The following PTPRG variants were observed in gnomAD, a reference collection of about 807,000 sequenced individuals.
The protein encoded by PTPRG is receptor-type tyrosine-protein phosphatase gamma.
Under a neutral mutation model 165.3 loss-of-function variants are expected in PTPRG, and 102 were observed. The observed-to-expected ratio is 0.62, with a 90% CI of 0.53 to 0.73. The LOEUF (loss-of-function observed/expected upper bound fraction) is 0.73. Ranked by LOEUF, PTPRG falls within the 30% of genes least tolerant of loss-of-function variation. PTPRG has a pLI of 0.00. For missense variants in PTPRG, 1,866 were observed against 1,861.4 expected (o/e 1.00, Z -0.05); for synonymous variants, 675 against 669.5 (o/e 1.01, Z -0.13).
chr3:62,074,381 G>C (rs1193699034), intron 4 of PTPRG, among the ~76,000 whole-genome samples: 1 of 116,106 alleles, frequency 8.6e-6, no homozygotes, highest in Non-Finnish European at 1.7e-5. Flanking sequence ...TTTGAGACAG[G>C]ATCTTGCTCT....
In PTPRG at chr3:61,621,051, A is replaced by ATG. The variant is rs1173192341; in HGVS notation, c.85+58705_85+58706dup. 6.2e-3 allele frequency among the ~76,000 whole-genome samples: 730 copies of ATG among 117,988 alleles called. 13 individuals carry two copies. The highest frequency in any genetic ancestry group is 0.012 in the Middle Eastern group (3 of 246). The allele number at this position is 117,988 out of a possible 152,430, so 77.4% of individuals were successfully genotyped here. ...TGTGTGTGTATATATATATATATATATGTGTGTGTGTGTGTGTGTGTGTGT... is the reference window on the plus strand; with the variant it reads ...TGTGTGTGTATATATATATATATATATGTGTGTGTGTGTGTGTGTGTGTGTGT... On this transcript the variant is annotated intron_variant, in intron 1 of 29. Coordinates refer to ENST00000474889, the MANE Select transcript of PTPRG (RefSeq NM_002841.4).
At chr3:61,716,594 G>C (rs975956631) in intron 1 of PTPRG, among the ~76,000 whole-genome samples, 5 of 152,082 alleles carry the variant, frequency 3.3e-5, no homozygotes, top group Non-Finnish European at 7.3e-5. Context: ...GTTGGGTTAT[G>C]AAGTGTCCTG....
intron 1 of PTPRG, among the ~76,000 whole-genome samples, chr3:61,598,448 G>T (rs1407252862): frequency 6.6e-6 from 1 of 152,136 alleles, no homozygotes; most frequent in African/African-American, 2.4e-5. Context: ...TGAGCGTCCT[G>T]TGCTGTCCCC....
chr3:61,761,085 G>T (rs1392619102), intron 2 of PTPRG, among the ~76,000 whole-genome samples: 1 of 152,192 alleles, frequency 6.6e-6, no homozygotes, highest in Admixed American at 6.5e-5. Context: ...CTTTGTAACA[G>T]AATGATTTAT....
intron 5 of PTPRG, among the ~76,000 whole-genome samples, chr3:62,090,261 C>T (rs1033584637): frequency 6.6e-5 from 10 of 152,182 alleles, no homozygotes; most frequent in Admixed American, 2.6e-4. Flanking sequence ...TCCCTGAACA[C>T]CATTCTAATG....
chr3:61,860,324 C>T (rs2037225620), intron 2 of PTPRG, among the ~76,000 whole-genome samples: 1 of 151,076 alleles, frequency 6.6e-6, no homozygotes, highest in African/African-American at 2.4e-5. Context: ...CAGACCCTTA[C>T]ATGCTTCCTT....
intron 2 of PTPRG, among the ~76,000 whole-genome samples, chr3:61,864,475 G>A (rs1250775616): frequency 1.3e-5 from 2 of 152,122 alleles, no homozygotes; most frequent in Admixed American, 6.5e-5. Flanking sequence ...GCAAAGTAAC[G>A]GAACTGAGCA....
At chr3:61,897,026 T>G (rs1051766766) in intron 2 of PTPRG, among the ~76,000 whole-genome samples, 1 of 152,054 alleles carries the variant, frequency 6.6e-6, no homozygotes, top group Non-Finnish European at 1.5e-5. Flanking sequence ...CTGTAACTTG[T>G]GTGTTTATCC....
intron 2 of PTPRG, among the ~76,000 whole-genome samples, chr3:61,852,410 A>G (rs2036988219): frequency 6.6e-6 from 1 of 152,242 alleles, no homozygotes. Flanking sequence ...TTGGAATAAC[A>G]ATTCACAAAT....
chr3:61,739,894 A>G (rs952081975), intron 1 of PTPRG, among the ~76,000 whole-genome samples: 2 of 152,192 alleles, frequency 1.3e-5, no homozygotes, highest in African/African-American at 4.8e-5. Context: ...TATTGTTGCC[A>G]TTTGGGAACA....
chr3:62,266,620 A>G (rs1162617362), intron 17 of PTPRG, among the ~76,000 whole-genome samples: 1 of 151,902 alleles, frequency 6.6e-6, no homozygotes, highest in African/African-American at 2.4e-5. Flanking sequence ...ATTGCTTGGT[A>G]TATTCTGAGG....
chr3:61,821,039 T>A (rs1245319365), intron 2 of PTPRG, among the ~76,000 whole-genome samples: 3 of 152,226 alleles, frequency 2.0e-5, no homozygotes, highest in Admixed American at 6.5e-5. Context: ...TGCAGTATTC[T>A]CCTCAGCATA....
chr3:62,031,172 G>A (rs998643245), intron 4 of PTPRG, among the ~76,000 whole-genome samples: 9 of 152,174 alleles, frequency 5.9e-5, no homozygotes, highest in Non-Finnish European at 1.0e-4. Flanking sequence ...TATGTGTCAG[G>A]TGAATAAGAT....
At chr3:61,597,982 A>G (rs893728662) in intron 1 of PTPRG, among the ~76,000 whole-genome samples, 35 of 152,306 alleles carry the variant, frequency 2.3e-4, no homozygotes, top group South Asian at 4.1e-4. Flanking sequence ...ACCAACCAAG[A>G]TACGGCTTTG....
chr3:62,278,323 G>A (rs1177702937), intron 26 of PTPRG, among the ~76,000 whole-genome samples: 3 of 151,948 alleles, frequency 2.0e-5, no homozygotes, highest in Non-Finnish European at 4.4e-5. Flanking sequence ...TCTACTGCAG[G>A]GATAGGCTAT....
chr3:62,247,587 C>A (rs1701316715), intron 15 of PTPRG, among the ~76,000 whole-genome samples: 1 of 152,004 alleles, frequency 6.6e-6, no homozygotes, highest in South Asian at 2.1e-4. Flanking sequence ...TATTTTTATT[C>A]TTTTCCTTCC....
chr3:62,056,092 A>G (rs1396970302), intron 4 of PTPRG, among the ~76,000 whole-genome samples: 3 of 152,246 alleles, frequency 2.0e-5, no homozygotes, highest in Non-Finnish European at 4.4e-5. Context: ...ACATTAGGGA[A>G]ATACATTCGT....
intron 28 of PTPRG, among the ~76,000 whole-genome samples, chr3:62,287,722 C>A (rs765729858): frequency 2.3e-4 from 35 of 152,266 alleles, no homozygotes; most frequent in East Asian, 1.9e-4. Context: ...TACATTTGAT[C>A]AGTAGCATTC....
chr3:62,042,971 C>G (rs1700176857), intron 4 of PTPRG, among the ~76,000 whole-genome samples: 1 of 152,134 alleles, frequency 6.6e-6, no homozygotes, highest in Non-Finnish European at 1.5e-5. Context: ...TACTTACGTA[C>G]AATTAAGCAC....
Sources: gnomAD v4.1 joint callset for allele counts (sites outside exome capture counted in the v4.1 genomes callset) on GRCh38, gnomAD v4.1.1 for gene constraint, MANE v1.5 for transcripts, NCBI Gene and HGNC (gene_info 2026-07-23, HGNC 2026-07-21) for gene names.